Variants in TRPC6 observed in about 807,000 individuals in gnomAD.
TRPC6 encodes the protein short transient receptor potential channel 6.
A neutral mutation model predicts 90.7 loss-of-function variants in TRPC6; 55 were observed. That is an observed-to-expected ratio of 0.61 (90% CI 0.49 to 0.76). TRPC6 has a LOEUF of 0.76. Ranked by LOEUF, TRPC6 falls within the 30% of genes least tolerant of loss-of-function variation. The probability of loss-of-function intolerance (pLI) is 0.00; values close to 1 mark genes in which losing one functional copy is unlikely to be tolerated. For synonymous variants in TRPC6, 393 were observed against 393.0 expected (o/e 1.00, Z 0.00); for missense variants, 989 against 1,122.7 (o/e 0.88, Z 1.70).
At chr11:101,537,515 T>G (rs1861078735) in intron 1 of TRPC6, among the ~76,000 whole-genome samples, 2 of 152,318 alleles carry the variant, frequency 1.3e-5, no homozygotes, top group Non-Finnish European at 2.9e-5. Flanking sequence ...TCTTTAATGC[T>G]ACCACATGGC....
intron 1 of TRPC6, among the ~76,000 whole-genome samples, chr11:101,537,670 T>C (rs1188957525): frequency 6.6e-6 from 1 of 152,168 alleles, no homozygotes; most frequent in African/African-American, 2.4e-5. Flanking sequence ...TGAATGTCAG[T>C]TTGCTGAATA....
intron 1 of TRPC6, among the ~76,000 whole-genome samples, chr11:101,506,424 G>A (rs1419446390): frequency 6.6e-6 from 1 of 152,160 alleles, no homozygotes; most frequent in Non-Finnish European, 1.5e-5. Flanking sequence ...GTCTGTGGCA[G>A]TGTGATGGAC....
chr11:101,559,975 T>C (rs1371511267), intron 1 of TRPC6, among the ~76,000 whole-genome samples: 2 of 152,106 alleles, frequency 1.3e-5, no homozygotes, highest in African/African-American at 4.8e-5. Context: ...AGTTCATTTT[T>C]AAAGCAACAG....
At chr11:101,515,645 CTT>C (rs1860499418) in intron 1 of TRPC6, among the ~76,000 whole-genome samples, 1 of 152,118 alleles carries the variant, frequency 6.6e-6, no homozygotes, top group Non-Finnish European at 1.5e-5. Context: ...TTTCAAGAAA[CTT>C]TTTAAAAATT....
At chr11:101,460,463 T>C (rs1221671561) in intron 10 of TRPC6, among the ~76,000 whole-genome samples, 2 of 152,248 alleles carry the variant, frequency 1.3e-5, no homozygotes, top group African/African-American at 2.4e-5. Flanking sequence ...CTTATGATCA[T>C]ATTATTTTTG....
At chr11:101,466,470 G>A (rs1260987387) in intron 10 of TRPC6, among the ~76,000 whole-genome samples, 1 of 152,240 alleles carries the variant, frequency 6.6e-6, no homozygotes, top group Admixed American at 6.5e-5. Flanking sequence ...GCTCTGCCCA[G>A]TTTGAACTTC....
In TRPC6 at chr11:101,542,440, T is replaced by G. The variant is rs548730182; in HGVS notation, c.171-37642A>C. Among the ~76,000 whole-genome samples, 3 of 152,344 alleles carry G rather than the reference T, an allele frequency of 2.0e-5. No individual in the cohort carries two copies. In the East Asian group the frequency reaches 5.8e-4, roughly 29 times the overall value. ...TAGGTAGTTTTGCAAGTTTGTCTTG[T>G]GTAAATGCTGATTTCAGCTAGCTGA... is the stretch of plus-strand genomic sequence containing the variant. On this transcript the variant is annotated intron_variant, in intron 1 of 12. Coordinates refer to ENST00000344327, the MANE Select transcript of TRPC6 (RefSeq NM_004621.6).
chr11:101,514,878 C>T (rs145376661), intron 1 of TRPC6, among the ~76,000 whole-genome samples: 3 of 152,152 alleles, frequency 2.0e-5, no homozygotes. Flanking sequence ...GGGACCTAAA[C>T]TTGAGAAAAC....
rs1005091000 is a variant in TRPC6, at chr11:101,583,761, G to A, written c.-258C>T. 1 of 390,700 alleles carries A rather than the reference G, an allele frequency of 2.6e-6. No homozygotes were observed. The highest frequency in any genetic ancestry group is 4.5e-6 in the Non-Finnish European group (1 of 221,796). The allele number at this position is 390,700 out of a possible 1,614,324, so 24.2% of individuals were successfully genotyped here. ...AGGTCAGGCCGAGGAGACCCCGCGA[G>A]GATGCGTCTGGGGCGCCCGGGCAGA... On this transcript the variant is annotated 5_prime_UTR_variant, in exon 1 of 13. Transcript: ENST00000344327.
intron 1 of TRPC6, among the ~76,000 whole-genome samples, chr11:101,525,728 G>C (rs1309566036): frequency 6.6e-6 from 1 of 152,210 alleles, no homozygotes; most frequent in Non-Finnish European, 1.5e-5. Flanking sequence ...AGCCAGTCAT[G>C]AAGAAACTTT....
At chr11:101,529,267 C>T (rs1860853297) in intron 1 of TRPC6, among the ~76,000 whole-genome samples, 2 of 152,004 alleles carry the variant, frequency 1.3e-5, no homozygotes, top group African/African-American at 4.8e-5. Flanking sequence ...CATATATAGT[C>T]GATTAACTAG....
At chr11:101,518,974 T>G (rs765138955) in intron 1 of TRPC6, among the ~76,000 whole-genome samples, 1 of 152,120 alleles carries the variant, frequency 6.6e-6, no homozygotes, top group Non-Finnish European at 1.5e-5. Context: ...CACTCATCTG[T>G]GGGAGCTAAA....
At chr11:101,487,467 AG>A (rs1859702501) in intron 4 of TRPC6, among the ~76,000 whole-genome samples, 2 of 152,100 alleles carry the variant, frequency 1.3e-5, no homozygotes, top group Admixed American at 6.6e-5. Flanking sequence ...TTAGTACACC[AG>A]TCACTCAAAT....
At position 101,501,729 on chromosome 11, in the gene TRPC6, G is replaced by A. The variant is rs1283087909; in HGVS notation, c.945+2295C>T. Among the ~76,000 whole-genome samples, 3 of 151,996 alleles carry A rather than the reference G, an allele frequency of 2.0e-5. No individual in the cohort carries two copies. The East Asian group carries it at 5.8e-4, about 29-fold the overall frequency. ...GCAAGGAAGAAATCTTTTCTGGTTT[G>A]TTTTTGTAAAAAGGCCTTAAAAATC... On this transcript the variant is annotated intron_variant, in intron 2 of 12. Coordinates refer to ENST00000344327, the MANE Select transcript of TRPC6 (RefSeq NM_004621.6).
At chr11:101,462,884 G>A (rs950266543) in intron 10 of TRPC6, among the ~76,000 whole-genome samples, 2 of 152,138 alleles carry the variant, frequency 1.3e-5, no homozygotes, top group African/African-American at 4.8e-5. Flanking sequence ...CTTCTCTTGT[G>A]CCGATTTTCA....
intron 1 of TRPC6, among the ~76,000 whole-genome samples, chr11:101,543,354 C>T (rs11224835): frequency 0.1 from 15,267 of 151,906 alleles, 883 homozygotes; most frequent in Middle Eastern, 0.14. Flanking sequence ...CACTCCAAGA[C>T]AAATTGGAAA....
chr11:101,460,146 G>T (rs1476369748), intron 10 of TRPC6, among the ~76,000 whole-genome samples: 4 of 152,084 alleles, frequency 2.6e-5, no homozygotes, highest in Non-Finnish European at 5.9e-5. Flanking sequence ...ATCAAACATG[G>T]TGAATTTTAT....
At chr11:101,512,302 C>A (rs1383182822) in intron 1 of TRPC6, among the ~76,000 whole-genome samples, 1 of 152,160 alleles carries the variant, frequency 6.6e-6, no homozygotes, top group Non-Finnish European at 1.5e-5. Flanking sequence ...TTGTCACTTT[C>A]AGTTGGGAGC....
intron 1 of TRPC6, among the ~76,000 whole-genome samples, chr11:101,524,721 T>C (rs935266324): frequency 6.6e-6 from 1 of 152,212 alleles, no homozygotes; most frequent in Non-Finnish European, 1.5e-5. Context: ...TATGTTTGTA[T>C]ACAATATGAT....
Sources: allele counts gnomAD v4.1 joint callset (sites outside exome capture counted in the v4.1 genomes callset), GRCh38; gene constraint gnomAD v4.1.1; transcripts MANE v1.5; gene names NCBI Gene and HGNC (gene_info 2026-07-23, HGNC 2026-07-21).